The following KCNK2 variants were observed in gnomAD, a reference collection of about 807,000 sequenced individuals.
KCNK2 encodes the protein potassium channel subfamily K member 2.
A neutral mutation model predicts 40.5 loss-of-function variants in KCNK2; 21 were observed. That is an observed-to-expected ratio of 0.52 (90% CI 0.37 to 0.75). The LOEUF (loss-of-function observed/expected upper bound fraction) is 0.75. Ranked by LOEUF, KCNK2 falls within the 30% of genes least tolerant of loss-of-function variation. The pLI is 0.00. For missense variants in KCNK2, 399 were observed against 531.6 expected (o/e 0.75, Z 2.45); for synonymous variants, 191 against 202.2 (o/e 0.94, Z 0.47).
chr1:215,100,094 G>A (rs1184102037), intron 2 of KCNK2, among the ~76,000 whole-genome samples: 4 of 151,954 alleles, frequency 2.6e-5, no homozygotes, highest in African/African-American at 9.7e-5. Flanking sequence ...ACAGGTTTGT[G>A]TCCATGTAGG....
At chr1:215,130,826 AG>A (rs1283864860) in intron 3 of KCNK2, among the ~76,000 whole-genome samples, 2 of 151,914 alleles carry the variant, frequency 1.3e-5, no homozygotes, top group Non-Finnish European at 2.9e-5. Context: ...TAGAGGGCTT[AG>A]CGTTTAATTT....
intron 3 of KCNK2, among the ~76,000 whole-genome samples, chr1:215,135,909 A>G (rs1661884053): frequency 2.0e-5 from 3 of 151,016 alleles, no homozygotes. Flanking sequence ...TAATTTTTGT[A>G]TTTTTAGTAG....
intron 6 of KCNK2, among the ~76,000 whole-genome samples, chr1:215,202,368 T>C (rs1665116067): frequency 6.6e-6 from 1 of 152,208 alleles, no homozygotes; most frequent in African/African-American, 2.4e-5. Context: ...TTTCTTTCTC[T>C]AGTCACAGTC....
At chr1:215,209,993 A>AT (rs1665644630) in intron 6 of KCNK2, among the ~76,000 whole-genome samples, 11 of 3,406 alleles carry the variant, frequency 3.2e-3, no homozygotes, top group Non-Finnish European at 0.018. Flanking sequence ...TATATAATAT[A>AT]TAATATATAT....
intron 5 of KCNK2, among the ~76,000 whole-genome samples, chr1:215,192,138 A>T (rs1664694391): frequency 1.3e-5 from 2 of 152,194 alleles, no homozygotes; most frequent in Admixed American, 6.5e-5. Context: ...GACATCACAG[A>T]TATGTTAATT....
At position 215,086,363 on chromosome 1, in the gene KCNK2, G is replaced by C. The variant is rs1276509169; in HGVS notation, c.47-5G>C. 6.2e-7 allele frequency: 1 copy of C among 1,612,356 alleles called. No individual in the cohort carries two copies. ...AACCTAACCCTCATTCTCTGTTGTT[G>C]TCAGTGGCGGCACCTGACTTGCTGG... On this transcript the variant is annotated splice_region_variant and splice_polypyrimidine_tract_variant and intron_variant, in intron 1 of 6. Coordinates refer to ENST00000444842, the MANE Select transcript of KCNK2 (RefSeq NM_001017425.3).
chr1:215,035,416 G>A (rs1295701856), intron 1 of KCNK2, among the ~76,000 whole-genome samples: 1 of 151,998 alleles, frequency 6.6e-6, no homozygotes, highest in Non-Finnish European at 1.5e-5. Flanking sequence ...CTCCTTCGTT[G>A]TCTTCTTTTT....
At chr1:215,170,648 G>A (rs1002353623) in intron 4 of KCNK2, among the ~76,000 whole-genome samples, 3 of 152,100 alleles carry the variant, frequency 2.0e-5, no homozygotes, top group Admixed American at 2.0e-4. Flanking sequence ...TAGATCTCAA[G>A]CATTTTGTTC....
intron 6 of KCNK2, among the ~76,000 whole-genome samples, chr1:215,226,315 TTTTA>T (rs1321791619): frequency 6.6e-5 from 10 of 152,060 alleles, no homozygotes; most frequent in African/African-American, 1.2e-4. Context: ...TTGTCTTGTT[TTTTA>T]TTTGTTTTGT....
chr1:215,069,347 A>G (rs916260822), intron 1 of KCNK2, among the ~76,000 whole-genome samples: 16 of 152,172 alleles, frequency 1.1e-4, no homozygotes, highest in African/African-American at 3.9e-4. Context: ...TCCTTTCTGG[A>G]ACAGAGGGGC....
rs902723623 is a variant in KCNK2, at chr1:215,083,003, TGGCGGC to T, written c.-359_-354del. The T allele has an allele frequency of 1.6e-4, 24 of 154,304 alleles. No individual in the cohort carries two copies. Among genetic ancestry groups the T allele is most frequent in the Non-Finnish European group, 3.0e-4 (22 of 73,146 alleles). 9.6% of individuals were successfully genotyped at this position (154,304 alleles called of 1,614,324 possible). On this transcript the variant is annotated 5_prime_UTR_variant, in exon 1 of 7. Coordinates refer to ENST00000444842, the MANE Select transcript of KCNK2 (RefSeq NM_001017425.3). Reference sequence around the variant, plus strand: ...AGCGAGCAGCCCGGGGCTGAGCGCGTGGCGGCGGCGGCGGCGGCGGCGGCGGCGGGC... The same window carrying T: ...AGCGAGCAGCCCGGGGCTGAGCGCGTGGCGGCGGCGGCGGCGGCGGCGGGC...
rs187401043 is a variant in KCNK2, at chr1:215,030,234, C to T, written c.34+24279C>T. On this transcript the variant is annotated intron_variant, in intron 1 of 6. Coordinates refer to the KCNK2 transcript ENST00000391895. ...GAGGTGTCTGTTACGGTCTTTGACC[C>T]GTTTTTTAATTGGGTTGTTTGTTTT... is the stretch of plus-strand genomic sequence containing the variant. Among the ~76,000 whole-genome samples the T allele has an allele frequency of 1.8e-4, 28 of 152,228 alleles. No individual in the cohort carries two copies. The East Asian group carries it at 2.9e-3, about 16-fold the overall frequency.
At position 215,083,377 on chromosome 1, in the gene KCNK2, G is replaced by T; in HGVS notation, c.-9G>T. On this transcript the variant is annotated 5_prime_UTR_variant, in exon 1 of 7. Coordinates refer to ENST00000444842, the MANE Select transcript of KCNK2 (RefSeq NM_001017425.3). ...TTTTTCAAAAAACATTTTGAATGCT[G>T]CATGCCTCATGCTTCCCAGCGCCTC... 7 of 1,614,048 alleles carry T rather than the reference G, an allele frequency of 4.3e-6. No individual in the cohort carries two copies. Among genetic ancestry groups the T allele is most frequent in the Non-Finnish European group, 5.9e-6 (7 of 1,179,972 alleles).
chr1:215,100,454 T>C (rs1374072627), intron 2 of KCNK2, among the ~76,000 whole-genome samples: 1 of 152,008 alleles, frequency 6.6e-6, no homozygotes, highest in African/African-American at 2.4e-5. Flanking sequence ...TACAGCAGGA[T>C]CTCAGATGCC....
intron 3 of KCNK2, among the ~76,000 whole-genome samples, chr1:215,166,026 T>C (rs141913222): frequency 1.8e-3 from 277 of 152,312 alleles, no homozygotes; most frequent in Non-Finnish European, 3.1e-3. Flanking sequence ...GATTGCCTTA[T>C]TGTAAACCGT....
chr1:215,163,312 T>C (rs930143552), intron 3 of KCNK2, among the ~76,000 whole-genome samples: 13 of 152,174 alleles, frequency 8.5e-5, no homozygotes, highest in African/African-American at 3.1e-4. Flanking sequence ...CTTAAGGAGA[T>C]TTTGGGCTGA....
chr1:215,230,932 A>G (rs1229944074), intron 6 of KCNK2, among the ~76,000 whole-genome samples: 1 of 152,224 alleles, frequency 6.6e-6, no homozygotes, highest in Non-Finnish European at 1.5e-5. Flanking sequence ...AAGATAACTA[A>G]GTATTAATAA....
chr1:215,214,221 C>T (rs1311002551), intron 6 of KCNK2, among the ~76,000 whole-genome samples: 3 of 152,106 alleles, frequency 2.0e-5, no homozygotes, highest in Admixed American at 6.5e-5. Context: ...CTTACAATTA[C>T]GGTGGAAGGC....
chr1:215,195,229 G>A (rs1194922730), intron 6 of KCNK2, 137 bp downstream of exon 6: 2 of 680,772 alleles, frequency 2.9e-6, no homozygotes, highest in Non-Finnish European at 4.4e-6. Flanking sequence ...TGAATTTGCT[G>A]TATTAGGCTA....
Sources: gnomAD v4.1 joint callset for allele counts (sites outside exome capture counted in the v4.1 genomes callset) on GRCh38, gnomAD v4.1.1 for gene constraint, MANE v1.5 for transcripts, NCBI Gene and HGNC (gene_info 2026-07-23, HGNC 2026-07-21) for gene names.